The following PRPF3 variants were observed in gnomAD, a reference collection of about 807,000 sequenced individuals.
The protein encoded by PRPF3 is pre-mRNA processing factor 3.
In PRPF3, 3 loss-of-function variants were observed where a neutral mutation model predicts 89.2. That is an observed-to-expected ratio of 0.03 (90% confidence interval 0.02 to 0.09). The LOEUF (loss-of-function observed/expected upper bound fraction) is 0.09. Ranked by LOEUF, PRPF3 falls within the 10% of genes least tolerant of loss-of-function variation. The probability of loss-of-function intolerance (pLI) is 1.00; values close to 1 mark genes in which losing one functional copy is unlikely to be tolerated. For missense variants in PRPF3, 463 were observed against 828.8 expected, an observed-to-expected ratio of 0.56 and a Z score of 5.42; for synonymous variants, 270 against 289.1, an observed-to-expected ratio of 0.93 and a Z score of 0.67.
In PRPF3 at chr1:150,333,017, T is replaced by C. The variant is rs1340920638; in HGVS notation, c.546T>C (p.Pro182=). 1 of 1,614,012 alleles carries C rather than the reference T, an allele frequency of 6.2e-7. No individual in the cohort carries two copies. Among genetic ancestry groups the C allele is most frequent in the Non-Finnish European group, 8.5e-7 (1 of 1,180,006 alleles). Residue 182 remains proline, a synonymous_variant, in exon 6 of 16, where the codon CCT becomes CCC. Transcript: ENST00000324862. ...TPSSSQPERL[P]IGNTIQPSQA... is the part of the protein sequence containing the mutation. ...CTTCCTCCCAACCAGAACGACTTCC[T>C]ATTGGCAACACTATTCAGCCCTCCC...
Position 150,343,611 on chromosome 1 carries a change from G to A in PRPF3, c.1426+159G>A, listed in dbSNP as rs75012881. On this transcript the variant is annotated intron_variant, in intron 10 of 15. Transcript: ENST00000324862. Reference sequence around the variant, plus strand: ...GTTTTCTACCATCTTTTCATATTAAGATAGGTCAACACATTCATTATAGAG... The same window carrying A: ...GTTTTCTACCATCTTTTCATATTAAAATAGGTCAACACATTCATTATAGAG... Among the ~76,000 whole-genome samples, 535 of 152,224 alleles carry A rather than the reference G, an allele frequency of 3.5e-3. 3 individuals are homozygous for A. Among genetic ancestry groups the A allele is most frequent in the Non-Finnish European group, 5.0e-3 (338 of 68,022 alleles).
intron 9 of PRPF3, among the ~76,000 whole-genome samples, chr1:150,341,310 T>C (rs769586066): frequency 1.1e-4 from 16 of 151,766 alleles, no homozygotes; most frequent in Non-Finnish European, 1.9e-4. Flanking sequence ...TTAGATGCGA[T>C]ATGCTCCACT....
chr1:150,342,424 T>G (rs587638556), intron 9 of PRPF3, among the ~76,000 whole-genome samples: 1 of 152,278 alleles, frequency 6.6e-6, no homozygotes, highest in South Asian at 2.1e-4. Context: ...ATAGCCATAT[T>G]GCCGGGCACC....
intron 1 of PRPF3, among the ~76,000 whole-genome samples, chr1:150,323,973 G>T (rs1041194825): frequency 6.6e-6 from 1 of 151,774 alleles, no homozygotes; most frequent in East Asian, 1.9e-4. Context: ...TAGAGATGGG[G>T]TTTCACCATC....
intron 12 of PRPF3, chr1:150,345,602 G>T (rs1658201635): frequency 4.1e-6 from 1 of 243,384 alleles, no homozygotes; most frequent in East Asian, 1.1e-4. Context: ...GCCCACTTTG[G>T]CCTCCCAAAG....
At chr1:150,331,769 CA>C (rs1296147033) in intron 4 of PRPF3, among the ~76,000 whole-genome samples, 11 of 152,218 alleles carry the variant, frequency 7.2e-5, no homozygotes, top group Admixed American at 5.9e-4. Flanking sequence ...GTCTGTTTTG[CA>C]AAATGTAAGA....
At chr1:150,346,556 G>T in intron 14 of PRPF3, 65 bp downstream of exon 14, 2 of 1,465,666 alleles carry the variant, frequency 1.4e-6, no homozygotes, top group South Asian at 2.3e-5. Flanking sequence ...GCATCTGTCC[G>T]TTCATCTTAT....
At chr1:150,321,615 C>T (rs1410218837) in intron 1 of PRPF3, 23 bp downstream of exon 1, 1 of 152,646 alleles carries the variant, frequency 6.6e-6, no homozygotes, top group East Asian at 1.9e-4. Flanking sequence ...CCCGGGCCCA[C>T]AGAGGGTAAT....
At chr1:150,322,809 G>T (rs966442049) in intron 1 of PRPF3, among the ~76,000 whole-genome samples, 3 of 151,904 alleles carry the variant, frequency 2.0e-5, no homozygotes, top group African/African-American at 7.3e-5. Flanking sequence ...TTTGATAAGT[G>T]GCACTGCTGG....
chr1:150,339,665 C>T (rs1229633706), intron 8 of PRPF3, among the ~76,000 whole-genome samples: 3 of 150,586 alleles, frequency 2.0e-5, no homozygotes, highest in Middle Eastern at 3.5e-3. Flanking sequence ...CCCAAATTCC[C>T]GACCTCAGGT....
chr1:150,340,681 T>A (rs1657597472), intron 9 of PRPF3, among the ~76,000 whole-genome samples: 4 of 152,132 alleles, frequency 2.6e-5, no homozygotes, highest in Admixed American at 2.0e-4. Context: ...ATTCCTGTGC[T>A]TAGAATTTCA....
At chr1:150,332,459 A>G (rs1407040936) in intron 4 of PRPF3, among the ~76,000 whole-genome samples, 3 of 152,172 alleles carry the variant, frequency 2.0e-5, no homozygotes, top group Non-Finnish European at 4.4e-5. Context: ...ATCACACTAT[A>G]TTACTACCTA....
chr1:150,351,635 A>C (rs1658935488), intron 15 of PRPF3, among the ~76,000 whole-genome samples: 1 of 146,106 alleles, frequency 6.8e-6, no homozygotes, highest in Non-Finnish European at 1.5e-5. Flanking sequence ...CAAGTATCTG[A>C]GACCTCAGGT....
chr1:150,334,715 A>G (rs1560098286), intron 6 of PRPF3, among the ~76,000 whole-genome samples: 1 of 151,958 alleles, frequency 6.6e-6, no homozygotes, highest in East Asian at 1.9e-4. Flanking sequence ...GACCACAGGT[A>G]TATGCCACCG....
chr1:150,345,761 C>T, intron 12 of PRPF3: 1 of 476,980 alleles, frequency 2.1e-6, no homozygotes, highest in South Asian at 2.1e-5. Context: ...GTAAATACCT[C>T]TCCCTGACTC....
At chr1:150,342,181 A>G (rs1268579526) in intron 9 of PRPF3, among the ~76,000 whole-genome samples, 1 of 151,756 alleles carries the variant, frequency 6.6e-6, no homozygotes, top group Non-Finnish European at 1.5e-5. Flanking sequence ...AGAAATCAAC[A>G]CCATCCTGGC....
chr1:150,345,288 T>C (rs1170293177), intron 12 of PRPF3, among the ~76,000 whole-genome samples: 1 of 152,132 alleles, frequency 6.6e-6, no homozygotes, highest in Non-Finnish European at 1.5e-5. Flanking sequence ...ATTAACAGTT[T>C]TTCACATATC....
Position 150,333,041 on chromosome 1 carries a change from C to T in PRPF3, c.570C>T (p.Ser190=), listed in dbSNP as rs1345855842. ...RLPIGNTIQP[S]QAATFMNDAI... Reference sequence around the variant, plus strand: ...CTATTGGCAACACTATTCAGCCCTCCCAGGCTGCCACTTTCATGAATGATG... The same window carrying T: ...CTATTGGCAACACTATTCAGCCCTCTCAGGCTGCCACTTTCATGAATGATG... The change falls in exon 6 of 16, where the codon TCC becomes TCT. Residue 190 remains serine (S), a synonymous_variant. Transcript: ENST00000324862. The T allele has an allele frequency of 1.2e-6, 2 of 1,614,108 alleles. No homozygotes were observed. The highest frequency in any genetic ancestry group is 4.5e-5 in the East Asian group (2 of 44,886).
intron 7 of PRPF3, among the ~76,000 whole-genome samples, chr1:150,337,661 C>G (rs1030589433): frequency 6.6e-6 from 1 of 151,638 alleles, no homozygotes; most frequent in Non-Finnish European, 1.5e-5. Flanking sequence ...GCCTGTAGTC[C>G]CAGCTACTCG....
Sources: allele counts gnomAD v4.1 joint callset (sites outside exome capture counted in the v4.1 genomes callset), GRCh38; gene constraint gnomAD v4.1.1; transcripts MANE v1.5; gene names NCBI Gene and HGNC (gene_info 2026-07-23, HGNC 2026-07-21).